The following SAMD5 variants were observed in gnomAD, a reference collection of about 807,000 sequenced individuals.
The protein encoded by SAMD5 is sterile alpha motif domain-containing protein 5.
A neutral mutation model predicts 11.3 loss-of-function variants in SAMD5; 13 were observed. That is an observed-to-expected ratio of 1.15 (90% CI 0.75 to 1.83). The LOEUF (loss-of-function observed/expected upper bound fraction) is 1.83, where lower values mean the gene tolerates loss of function less well. Ranked by LOEUF, SAMD5 falls within the 40% of genes most tolerant of loss-of-function variation. SAMD5 has a pLI of 0.00. For synonymous variants in SAMD5, 129 were observed against 111.3 expected (o/e 1.16, Z -1.00); for missense variants, 255 against 239.1 (o/e 1.07, Z -0.44).
the SAMD5 span, among the ~76,000 whole-genome samples, chr6:147,886,246 C>T: frequency 3.7e-4 from 56 of 151,984 alleles, 1 homozygote; most frequent in Admixed American, 3.0e-3. Context: ...AAATTGCATT[C>T]GATGTAATTG....
At chr6:147,676,307 A>T (rs1447239065) in intron 1 of SAMD5, among the ~76,000 whole-genome samples, 1 of 152,112 alleles carries the variant, frequency 6.6e-6, no homozygotes, top group Non-Finnish European at 1.5e-5. Context: ...CTAGCAATGA[A>T]CACTGATCTT....
chr6:147,804,007 G>A, the SAMD5 span, among the ~76,000 whole-genome samples: 1 of 152,018 alleles, frequency 6.6e-6, no homozygotes, highest in Non-Finnish European at 1.5e-5. Flanking sequence ...CCTTGGGAAA[G>A]CTTTTTTCAC....
intron 1 of SAMD5, among the ~76,000 whole-genome samples, chr6:147,642,988 T>G (rs1185975577): frequency 6.6e-6 from 1 of 152,194 alleles, no homozygotes; most frequent in Non-Finnish European, 1.5e-5. Context: ...AAATAACTGT[T>G]ACTTCCCCAG....
chr6:147,745,823 G>A, the SAMD5 span, among the ~76,000 whole-genome samples: 1 of 143,506 alleles, frequency 7.0e-6, no homozygotes, highest in East Asian at 2.0e-4. Context: ...CTATCACCCC[G>A]GCTGGACTAT....
intron 1 of SAMD5, among the ~76,000 whole-genome samples, chr6:147,620,827 G>T (rs2128450186): frequency 6.6e-6 from 1 of 152,276 alleles, no homozygotes; most frequent in Middle Eastern, 3.4e-3. Context: ...TTCTTAAAGA[G>T]GGGGTCAATT....
chr6:147,840,594 T>C, the SAMD5 span, among the ~76,000 whole-genome samples: 1 of 152,170 alleles, frequency 6.6e-6, no homozygotes, highest in East Asian at 1.9e-4. Context: ...AAAAAGCACT[T>C]TACCTGTAGT....
rs564462466 is a variant in SAMD5, at chr6:147,523,117, C to T, written c.459+13730C>T. Among the ~76,000 whole-genome samples the T allele has an allele frequency of 1.0e-3, 154 of 152,198 alleles. 6 individuals are homozygous for T. The South Asian group carries it at 0.031, about 30-fold the overall frequency. On this transcript the variant is annotated intron_variant, in intron 1 of 1. Transcript: ENST00000367474. ...GGCTCCCTTCCTGCTCCTACCCCAC[C>T]CCAGACCTTTCAGTGAAATATACAC...
At chr6:147,775,649 G>C in the SAMD5 span, among the ~76,000 whole-genome samples, 1 of 151,974 alleles carries the variant, frequency 6.6e-6, no homozygotes, top group Non-Finnish European at 1.5e-5. Flanking sequence ...ACCCAAGGAG[G>C]ATCAGGAGTC....
At chr6:147,714,477 T>C (rs1439073154) in intron 1 of SAMD5, among the ~76,000 whole-genome samples, 1 of 152,156 alleles carries the variant, frequency 6.6e-6, no homozygotes, top group Non-Finnish European at 1.5e-5. Flanking sequence ...GTGATGAGCA[T>C]GGTGTTGACT....
chr6:147,931,156 A>T, the SAMD5 span, among the ~76,000 whole-genome samples: 1 of 152,172 alleles, frequency 6.6e-6, no homozygotes. Flanking sequence ...AAAAGTTTTG[A>T]CTTTCCTGGT....
At chr6:147,697,004 C>T (rs574104198) in intron 1 of SAMD5, among the ~76,000 whole-genome samples, 26 of 152,138 alleles carry the variant, frequency 1.7e-4, no homozygotes, top group Non-Finnish European at 3.7e-4. Context: ...AAGGTGTGGG[C>T]AGATCCCTTA....
At chr6:147,580,068 A>T (rs1353093359) in intron 1 of SAMD5, among the ~76,000 whole-genome samples, 1 of 152,206 alleles carries the variant, frequency 6.6e-6, no homozygotes, top group Non-Finnish European at 1.5e-5. Flanking sequence ...TGATAGGAAG[A>T]GTCTAACTCA....
chr6:147,808,402 C>T, the SAMD5 span, among the ~76,000 whole-genome samples: 4 of 152,108 alleles, frequency 2.6e-5, no homozygotes, highest in African/African-American at 9.7e-5. Flanking sequence ...TAGAGTCTCA[C>T]TATGTTGCCC....
intron 1 of SAMD5, among the ~76,000 whole-genome samples, chr6:147,544,618 T>A (rs1451057459): frequency 7.2e-5 from 11 of 152,194 alleles, no homozygotes; most frequent in Admixed American, 5.2e-4. Context: ...TATGCTGACA[T>A]TGCAGGGTCT....
the SAMD5 span, among the ~76,000 whole-genome samples, chr6:147,887,713 ATATGGTACC>A: frequency 6.6e-6 from 1 of 152,206 alleles, no homozygotes. Context: ...TAAGTGGGTC[ATATGGTACC>A]TATGTTTAAA....
chr6:147,849,795 T>C, the SAMD5 span, among the ~76,000 whole-genome samples: 2 of 152,222 alleles, frequency 1.3e-5, no homozygotes, highest in African/African-American at 2.4e-5. Flanking sequence ...AGACAGAACC[T>C]GGGCTGGAGG....
the SAMD5 span, among the ~76,000 whole-genome samples, chr6:147,937,372 A>G: frequency 1.3e-5 from 2 of 152,144 alleles, no homozygotes; most frequent in Admixed American, 1.3e-4. Context: ...GCACAAGCCT[A>G]ACCATTCCTT....
chr6:147,720,940 T>C (rs1478123265), intron 1 of SAMD5, among the ~76,000 whole-genome samples: 6 of 136,200 alleles, frequency 4.4e-5, no homozygotes, highest in Non-Finnish European at 7.8e-5. Flanking sequence ...TGAGTGAGAA[T>C]ATGCGGCGTT....
chr6:147,700,724 T>C (rs1314785486), intron 1 of SAMD5, among the ~76,000 whole-genome samples: 1 of 152,270 alleles, frequency 6.6e-6, no homozygotes, highest in Non-Finnish European at 1.5e-5. Context: ...GACTTGGCTT[T>C]AGCCGTATTA....
Sources: allele counts gnomAD v4.1 joint callset (sites outside exome capture counted in the v4.1 genomes callset), GRCh38; gene constraint gnomAD v4.1.1; transcripts MANE v1.5; gene names NCBI Gene and HGNC (gene_info 2026-07-23, HGNC 2026-07-21).